Variants in LRRK2 observed in about 807,000 individuals in gnomAD.
The protein encoded by LRRK2 is leucine rich repeat kinase 2.
In LRRK2, 203 loss-of-function variants were observed where a neutral mutation model predicts 302.6. The ratio of observed to expected loss-of-function variants is 0.67; its 90% CI spans 0.60 to 0.75. The LOEUF (loss-of-function observed/expected upper bound fraction) is 0.75. Among genes scored for constraint, LRRK2 ranks in the 30% least tolerant of loss-of-function variants. The pLI is 0.00. For missense variants in LRRK2, 2,830 were observed against 2,951.0 expected (o/e 0.96, Z 0.95); for synonymous variants, 1,066 against 1,031.9 (o/e 1.03, Z -0.63).
Position 40,283,986 on chromosome 12 carries a change from C to T in LRRK2, c.2353C>T (p.Gln785Ter), listed in dbSNP as rs762470352. Residue 785 changes from glutamine to a stop codon, truncating the protein, a stop_gained, in exon 19 of 51, where the codon CAG (glutamine) becomes TAG (stop). Transcript: ENST00000298910. LOFTEE classifies it high-confidence loss of function. Reference sequence around the variant, plus strand: ...GATAAGCATTGGGAAAGGTGACAGCCAGATCATCAGCTTGCTCTTAAGGAG... The same window carrying T: ...GATAAGCATTGGGAAAGGTGACAGCTAGATCATCAGCTTGCTCTTAAGGAG... ...LTISIGKGDS[Q>*]IISLLLRRLA... 2 of 1,613,972 alleles carry T rather than the reference C, an allele frequency of 1.2e-6. No individual in the cohort carries two copies. The highest frequency in any genetic ancestry group is 3.3e-5 in the Admixed American group (2 of 60,016).
At chr12:40,254,825 T>C (rs1031611254) in intron 11 of LRRK2, among the ~76,000 whole-genome samples, 1 of 152,176 alleles carries the variant, frequency 6.6e-6, no homozygotes, top group African/African-American at 2.4e-5. Flanking sequence ...AAGTAAAATG[T>C]CCTCAGATCC....
Position 40,322,451 on chromosome 12 carries a change from A to T in LRRK2, c.5450A>T (p.Asn1817Ile). 1 of 1,613,458 alleles carries T rather than the reference A, an allele frequency of 6.2e-7. No homozygotes were observed. The highest frequency in any genetic ancestry group is 8.5e-7 in the Non-Finnish European group (1 of 1,179,522). The part of the protein sequence containing the change: ...LLKKWALYSF[N>I]DGEEHQKILL... ...AAGAAATGGGCATTATATAGTTTTAATGATGGTGAAGAACATCAAAAAATC... is the reference window on the plus strand; with the variant it reads ...AAGAAATGGGCATTATATAGTTTTATTGATGGTGAAGAACATCAAAAAATC... Residue 1817 changes from asparagine (N) to isoleucine (I), a missense_variant, in exon 37 of 51, where the codon AAT (asparagine) becomes ATT (isoleucine). By Grantham distance (149) the Asn-to-Ile change is moderately radical. This residue lies in a region of LRRK2 where 2,121 missense variants were observed against 2,148.0 expected (regional missense o/e 0.99). Transcript: ENST00000298910.
chr12:40,331,802 TAAAA>T (rs1169921063), intron 39 of LRRK2, among the ~76,000 whole-genome samples: 1 of 152,066 alleles, frequency 6.6e-6, no homozygotes, highest in African/African-American at 2.4e-5. Context: ...TTTTCATCCA[TAAAA>T]AAAGTCATGG....
intron 41 of LRRK2, among the ~76,000 whole-genome samples, chr12:40,343,019 T>C (rs772453559): frequency 1.3e-5 from 2 of 152,096 alleles, no homozygotes; most frequent in Non-Finnish European, 2.9e-5. Context: ...AGACTAAAGT[T>C]TAGAGAATAT....
Position 40,340,359 on chromosome 12 carries a change from T to G in LRRK2, c.6014T>G (p.Leu2005Arg). The change falls in exon 41 of 51, where the codon CTG (leucine) becomes CGG (arginine). Residue 2005 changes from leucine to arginine, a missense_variant. Leu to Arg is a moderately radical substitution (Grantham distance 102, BLOSUM62 -2). Around this residue, in one of 3 missense-constraint regions of LRRK2, gnomAD observed 253 missense variants for 346.7 expected, o/e 0.73. Transcript: ENST00000298910. ...LKPHNVLLFT[L>R]YPNAAIIAKI... ...CCCCACAATGTGCTGCTTTTCACAC[T>G]GTATCCCAATGCTGCCATCATTGCA... 6.2e-7 allele frequency: 1 copy of G among 1,613,934 alleles called. No homozygotes were observed. Among genetic ancestry groups the G allele is most frequent in the African/African-American group, 1.3e-5 (1 of 75,022 alleles).
At chr12:40,263,492 A>G (rs1260482443) in intron 13 of LRRK2, among the ~76,000 whole-genome samples, 1 of 152,030 alleles carries the variant, frequency 6.6e-6, no homozygotes, top group Non-Finnish European at 1.5e-5. Flanking sequence ...AGCACAGCCT[A>G]CTCACACAAA....
At chr12:40,328,306 GT>G (rs1318292988) in intron 38 of LRRK2, 53 bp from the exon 39 acceptor site, 2 of 1,393,634 alleles carry the variant, frequency 1.4e-6, no homozygotes, top group African/African-American at 2.8e-5. Flanking sequence ...AATTTATTTA[GT>G]TTTTTTCGCT....
chr12:40,267,275 G>A (rs901081840), intron 14 of LRRK2, among the ~76,000 whole-genome samples: 10 of 152,288 alleles, frequency 6.6e-5, no homozygotes, highest in African/African-American at 2.4e-4. Flanking sequence ...CTGAGGACAT[G>A]GTTACTTCCT....
chr12:40,310,285 A>C, intron 30 of LRRK2, 146 bp from the exon 31 acceptor site: 1 of 806,836 alleles, frequency 1.2e-6, no homozygotes. Flanking sequence ...TTAAGGAAAA[A>C]AGGACAGTTG....
Position 40,263,836 on chromosome 12 carries a change from A to C in LRRK2, c.1591A>C (p.Asn531His). ...GGATACAGAATTTCATCATAAGCTA[A>C]ATATGGTTAAAAAACAGTGTTTCAA... Reference protein sequence around the residue: ...REDTEFHHKLNMVKKQCFKND... With the variant: ...REDTEFHHKLHMVKKQCFKND... The change falls in exon 14 of 51, where the codon AAT becomes CAT. Residue 531 changes from asparagine (N) to histidine (H), a missense_variant. Transcript: ENST00000298910. The C allele has an allele frequency of 6.2e-7, 1 of 1,613,276 alleles. No individual in the cohort carries two copies. The highest frequency in any genetic ancestry group is 8.5e-7 in the Non-Finnish European group (1 of 1,179,486).
rs1555188401 is a variant in LRRK2 at position 40,314,083 on chromosome 12, C to T, written c.4648C>T (p.Arg1550Trp). 1.1e-5 allele frequency: 18 copies of T among 1,612,414 alleles called. No homozygotes were observed. Among genetic ancestry groups the T allele is most frequent in the South Asian group, 3.3e-5 (3 of 91,040 alleles). ...GCCAATTGAATTTCCCGTAATTGAC[C>T]GGAAACGATTATTACAACTAGTGAG... ...NVPIEFPVID[R>W]KRLLQLVREN... The change falls in exon 32 of 51, where the codon CGG (arginine) becomes TGG (tryptophan). Residue 1550 changes from arginine to tryptophan, a missense_variant. By Grantham distance (101) the Arg-to-Trp change is moderately radical. This residue lies in a region of LRRK2 where 2,121 missense variants were observed against 2,148.0 expected (regional missense o/e 0.99). Transcript: ENST00000298910.
intron 7 of LRRK2, among the ~76,000 whole-genome samples, chr12:40,246,859 T>A (rs1942008459): frequency 6.6e-6 from 1 of 152,174 alleles, no homozygotes; most frequent in Admixed American, 6.6e-5. Context: ...AGCTCTTGTT[T>A]CAGCTTCTTT....
chr12:40,322,041 C>A lies in LRRK2; in HGVS notation c.5177C>A (p.Ala1726Glu). The change falls in exon 36 of 51, where the codon GCA becomes GAA. Residue 1726 changes from alanine to glutamate, a missense_variant. Ala to Glu is a moderately radical substitution (Grantham distance 107, BLOSUM62 -1). Transcript: ENST00000298910. ...TAATGGCTCCATTTTTTAGAACGAGCACTTCGCCCAAACAGAATGTATTGG... is the reference window on the plus strand; with the variant it reads ...TAATGGCTCCATTTTTTAGAACGAGAACTTCGCCCAAACAGAATGTATTGG... The part of the protein sequence containing the change: ...SPYMLSGRER[A>E]LRPNRMYWRQ... 1 of 1,613,110 alleles carries A rather than the reference C, an allele frequency of 6.2e-7. No individual in the cohort carries two copies. Among genetic ancestry groups the A allele is most frequent in the Non-Finnish European group, 8.5e-7 (1 of 1,179,372 alleles).
chr12:40,278,939 C>T (rs1943572749), intron 18 of LRRK2, among the ~76,000 whole-genome samples: 1 of 151,994 alleles, frequency 6.6e-6, no homozygotes, highest in Non-Finnish European at 1.5e-5. Context: ...CTCTTGTATA[C>T]TTGGTGAGTT....
At chr12:40,290,849 T>A (rs1275571437) in intron 20 of LRRK2, among the ~76,000 whole-genome samples, 2 of 152,070 alleles carry the variant, frequency 1.3e-5, no homozygotes, top group Non-Finnish European at 2.9e-5. Context: ...ATTTTTATTT[T>A]AATTGACTCT....
chr12:40,236,732 G>T (rs1021047827), intron 4 of LRRK2, among the ~76,000 whole-genome samples: 4 of 152,164 alleles, frequency 2.6e-5, no homozygotes, highest in Admixed American at 2.6e-4. Flanking sequence ...GAAAGAGGAA[G>T]ATGAGAGTAT....
Position 40,299,171 on chromosome 12 carries a change from G to A in LRRK2, c.3410G>A (p.Ser1137Asn). The change falls in exon 25 of 51, where the codon AGT becomes AAT. Residue 1137 changes from serine to asparagine, a missense_variant. This residue lies in a region of LRRK2 where 2,121 missense variants were observed against 2,148.0 expected (regional missense o/e 0.99). Coordinates refer to ENST00000298910, the MANE Select transcript of LRRK2 (RefSeq NM_198578.4). ...RLKELKILNL[S>N]KNHISSLSEN... Reference sequence around the variant, plus strand: ...AAGGAACTGAAGATTTTAAACCTTAGTAAGAACCACATTTCATCCCTATCA... The same window carrying A: ...AAGGAACTGAAGATTTTAAACCTTAATAAGAACCACATTTCATCCCTATCA... 1.2e-6 allele frequency: 2 copies of A among 1,613,412 alleles called. No individual in the cohort carries two copies. The highest frequency in any genetic ancestry group is 8.5e-7 in the Non-Finnish European group (1 of 1,179,784).
intron 6 of LRRK2, 24 bp downstream of exon 6, chr12:40,240,641 T>C: frequency 6.2e-7 from 1 of 1,606,062 alleles, no homozygotes. Context: ...AAATGTTATT[T>C]ATTTTTTGTA....
At chr12:40,234,234 C>CTCAG (rs1257875853) in intron 3 of LRRK2, among the ~76,000 whole-genome samples, 1 of 152,124 alleles carries the variant, frequency 6.6e-6, no homozygotes. Context: ...ATGTGGCCAG[C>CTCAG]TCAGTCTTCT....
Sources: gnomAD v4.1 joint callset for allele counts (sites outside exome capture counted in the v4.1 genomes callset) on GRCh38, gnomAD v4.1.1 for gene constraint, gnomAD v4.1.1 regional missense constraint, MANE v1.5 for transcripts, NCBI Gene and HGNC (gene_info 2026-07-23, HGNC 2026-07-21) for gene names.